The following CACNA1A variants were observed in gnomAD, a reference collection of about 807,000 sequenced individuals.
CACNA1A encodes the protein voltage-dependent P/Q-type calcium channel subunit alpha-1A.
A neutral mutation model predicts 262.4 loss-of-function variants in CACNA1A; 57 were observed. The ratio of observed to expected loss-of-function variants is 0.22; its 90% CI spans 0.18 to 0.27. The LOEUF is 0.27. Ranked by LOEUF, CACNA1A falls within the 10% of genes least tolerant of loss-of-function variation. The pLI, the probability that CACNA1A is intolerant of heterozygous loss-of-function variation, is 1.00. For missense variants in CACNA1A, 2,526 were observed against 3,562.8 expected (o/e 0.71, Z 7.41); for synonymous variants, 1,431 against 1,419.3 (o/e 1.01, Z -0.18).
rs1159057151 is a variant in CACNA1A at position 13,308,776 on chromosome 19, A to C, written c.1669-248T>G. ...ACTGCAGCACTGTCCTCCTGGGCTT[A>C]AGTGATCCTCCCACCTCAGCCTCTT... On this transcript the variant is annotated intron_variant, in intron 12 of 46. Transcript: ENST00000360228. This position sits in a 1 kb window ranked among gnomAD's most constrained non-coding sequence, Gnocchi z 4.2. 3.1e-6 allele frequency: 1 copy of C among 322,990 alleles called. No individual in the cohort carries two copies. Among genetic ancestry groups the C allele is most frequent in the Non-Finnish European group, 5.7e-6 (1 of 176,792 alleles). 20.0% of individuals were successfully genotyped at this position (322,990 alleles called of 1,614,324 possible).
At chr19:13,445,747 G>A (rs889846193) in intron 3 of CACNA1A, among the ~76,000 whole-genome samples, 7 of 152,128 alleles carry the variant, frequency 4.6e-5, no homozygotes, top group Non-Finnish European at 8.8e-5. Context: ...TCAGTTTCAT[G>A]ATCAGAACAC....
intron 3 of CACNA1A, among the ~76,000 whole-genome samples, chr19:13,407,625 C>T (rs1041541968): frequency 2.0e-5 from 3 of 152,076 alleles, no homozygotes; most frequent in Non-Finnish European, 4.4e-5. Flanking sequence ...ATAGTTTATC[C>T]GACAGTTCTT....
At chr19:13,368,247 T>C (rs1035820569) in intron 4 of CACNA1A, among the ~76,000 whole-genome samples, 1 of 151,880 alleles carries the variant, frequency 6.6e-6, no homozygotes, top group Non-Finnish European at 1.5e-5. Flanking sequence ...TCTGGGGAGG[T>C]TGAGGCTGTA....
In CACNA1A at chr19:13,308,271, G is replaced by C. The variant is rs73513425; in HGVS notation, c.1782-20C>G. 2 of 1,605,998 alleles carry C rather than the reference G, an allele frequency of 1.2e-6. No individual in the cohort carries two copies. Among genetic ancestry groups the C allele is most frequent in the South Asian group, 2.2e-5 (2 of 90,302 alleles). On this transcript the variant is annotated intron_variant, in intron 13 of 46. Transcript: ENST00000360228. The surrounding 1 kb of genome is among the most constrained non-coding windows in gnomAD (Gnocchi z 4.2). ...CAGTACCTGCCGACAGAGGCCAGGC[G>C]AGGACTCAGGCCAGGCGGGGGAGGC...
intron 3 of CACNA1A, among the ~76,000 whole-genome samples, chr19:13,413,263 T>C (rs1039925362): frequency 1.3e-4 from 19 of 150,298 alleles, no homozygotes; most frequent in South Asian, 4.5e-4. Flanking sequence ...CCCGCCACCA[T>C]ACCTGGCTAA....
At position 13,457,400 on chromosome 19, in the gene CACNA1A, G is replaced by A. The variant is rs1599299574; in HGVS notation, c.294-2188C>T. Among the ~76,000 whole-genome samples the A allele has an allele frequency of 2.6e-5, 4 of 152,254 alleles. 1 individual carries two copies. Among genetic ancestry groups the A allele is most frequent in the Admixed American group, 2.0e-4 (3 of 15,284 alleles). ...TCCAAGGTATAAACACAAAAGGATC[G>A]TAAGACAGGTATTCCAACGAACACT... On this transcript the variant is annotated intron_variant, in intron 1 of 46. Transcript: ENST00000360228.
rs879357475 is a variant in CACNA1A at position 13,320,265 on chromosome 19, AG to A, written c.1346-2945del. 4.5e-3 allele frequency among the ~76,000 whole-genome samples: 683 copies of A among 151,910 alleles called. 4 individuals carry two copies. The highest frequency in any genetic ancestry group is 0.024 in the Middle Eastern group (7 of 294). On this transcript the variant is annotated intron_variant, in intron 10 of 46. Transcript: ENST00000360228. Reference sequence around the variant, plus strand: ...GAGAGAGAGAGAGAGAGAGAGAGAGAGAGAGAGAGAAACCACAGCAGGTAGA... The same window carrying A: ...GAGAGAGAGAGAGAGAGAGAGAGAGAAGAGAGAGAAACCACAGCAGGTAGA...
intron 28 of CACNA1A, among the ~76,000 whole-genome samples, chr19:13,255,847 CCCTTTCT>C (rs920145106): frequency 1.4e-5 from 2 of 144,040 alleles, no homozygotes; most frequent in African/African-American, 5.2e-5. Flanking sequence ...CCACCCTTTC[CCCTTTCT>C]CCTTTCCTTT....
intron 10 of CACNA1A, among the ~76,000 whole-genome samples, chr19:13,318,608 A>G (rs562786825): frequency 1.3e-5 from 2 of 152,212 alleles, no homozygotes; most frequent in South Asian, 2.1e-4. Flanking sequence ...GAACCCATCC[A>G]GGCAAGTGAT....
intron 3 of CACNA1A, among the ~76,000 whole-genome samples, chr19:13,432,681 C>G (rs1311411746): frequency 6.6e-6 from 1 of 150,702 alleles, no homozygotes; most frequent in East Asian, 1.9e-4. Context: ...ATGTAATATA[C>G]AACATAAGGT....
intron 6 of CACNA1A, among the ~76,000 whole-genome samples, chr19:13,346,632 ATATATATATAT>A (rs2058771151): frequency 3.0e-4 from 1 of 3,336 alleles, no homozygotes; most frequent in East Asian, 0.015. Context: ...ATATATATAT[ATATATATATAT>A]ATATATATAT....
At chr19:13,393,798 C>T (rs1229607115) in intron 3 of CACNA1A, among the ~76,000 whole-genome samples, 1 of 102,202 alleles carries the variant, frequency 9.8e-6, no homozygotes, top group Admixed American at 1.0e-4. Context: ...TCCTTCCTTC[C>T]CTCCCTCCTT....
chr19:13,460,049 T>C (rs1015887129), intron 1 of CACNA1A, among the ~76,000 whole-genome samples: 1 of 151,614 alleles, frequency 6.6e-6, no homozygotes, highest in African/African-American at 2.4e-5. Context: ...TCCAACATCA[T>C]CCCCCCTCCC....
intron 6 of CACNA1A, among the ~76,000 whole-genome samples, chr19:13,349,844 T>C (rs2058874466): frequency 6.6e-6 from 1 of 152,142 alleles, no homozygotes; most frequent in Admixed American, 6.6e-5. Flanking sequence ...CCTAGGGAAG[T>C]AGCCAAAACA....
At chr19:13,284,910 A>G (rs2057367826) in intron 21 of CACNA1A, among the ~76,000 whole-genome samples, 158 bp downstream of exon 21, 1 of 152,200 alleles carries the variant, frequency 6.6e-6, no homozygotes, top group Non-Finnish European at 1.5e-5. Flanking sequence ...AAATCATCTT[A>G]CCTGACTTAC....
chr19:13,257,073 G>C, intron 28 of CACNA1A: 1 of 262,408 alleles, frequency 3.8e-6, no homozygotes, highest in Non-Finnish European at 7.3e-6. Flanking sequence ...TGCAGTGTGA[G>C]CAAAAAATAA....
chr19:13,455,038 C>T (rs1225826853), intron 2 of CACNA1A, 69 bp downstream of exon 2: 2 of 899,754 alleles, frequency 2.2e-6, no homozygotes, highest in South Asian at 1.4e-5. Flanking sequence ...CTGTGCCCTG[C>T]TCCACTCCCC....
chr19:13,468,121 T>G (rs546691477), intron 1 of CACNA1A, among the ~76,000 whole-genome samples: 7 of 151,390 alleles, frequency 4.6e-5, no homozygotes, highest in Non-Finnish European at 1.0e-4. Context: ...AAAGATCCCT[T>G]GATGAAAACA....
At chr19:13,284,454 C>A (rs1600241199) in intron 21 of CACNA1A, 1 of 152,344 alleles carries the variant, frequency 6.6e-6, no homozygotes, top group East Asian at 1.9e-4. Context: ...TGTCAAGAAG[C>A]ATTTTGAGCG....
Sources: allele counts gnomAD v4.1 joint callset (sites outside exome capture counted in the v4.1 genomes callset), GRCh38; gene constraint gnomAD v4.1.1; non-coding constraint Gnocchi (gnomAD v3.1); transcripts MANE v1.5; gene names NCBI Gene and HGNC (gene_info 2026-07-23, HGNC 2026-07-21).